The following WAPL variants were observed in gnomAD, a reference collection of about 807,000 sequenced individuals.
The protein encoded by WAPL is wings apart-like protein homolog.
Under a neutral mutation model 121.0 loss-of-function variants are expected in WAPL, and 5 were observed. The observed-to-expected ratio is 0.04, with a 90% CI of 0.02 to 0.09. WAPL has a LOEUF of 0.09. Ranked by LOEUF, WAPL falls within the 10% of genes least tolerant of loss-of-function variation. The pLI is 1.00. For missense variants in WAPL, 999 were observed against 1,410.8 expected, an observed-to-expected ratio of 0.71 and a Z score of 4.68; for synonymous variants, 480 against 481.5, an observed-to-expected ratio of 1.00 and a Z score of 0.04.
At chr10:86,471,345 G>A (rs529550374) in intron 7 of WAPL, among the ~76,000 whole-genome samples, 6 of 152,004 alleles carry the variant, frequency 3.9e-5, no homozygotes, top group Admixed American at 1.3e-4. Flanking sequence ...CATTCCTTAC[G>A]TTACTACTAC....
intron 1 of WAPL, among the ~76,000 whole-genome samples, chr10:86,519,955 G>A (rs1243920191): frequency 6.6e-6 from 1 of 152,196 alleles, no homozygotes; most frequent in Non-Finnish European, 1.5e-5. Flanking sequence ...GAAGTCTTCA[G>A]ATGAATACCT....
intron 4 of WAPL, among the ~76,000 whole-genome samples, chr10:86,483,418 T>A (rs1378959274): frequency 4.4e-4 from 65 of 146,840 alleles, no homozygotes; most frequent in Admixed American, 7.5e-4. Flanking sequence ...AAAAACTCCA[T>A]CTCAAAAAAA....
At chr10:86,467,084 T>G (rs892162926) in intron 9 of WAPL, 195 bp downstream of exon 9, 1 of 564,214 alleles carries the variant, frequency 1.8e-6, no homozygotes, top group Non-Finnish European at 3.1e-6. Context: ...GCAAAAAGCC[T>G]AAATACAGAT....
chr10:86,507,705 T>C (rs1245925830), intron 2 of WAPL, among the ~76,000 whole-genome samples: 1 of 150,690 alleles, frequency 6.6e-6, no homozygotes, highest in Non-Finnish European at 1.5e-5. Flanking sequence ...AACATTAAAA[T>C]CAGATAGCCC....
chr10:86,465,946 T>C (rs1841386793), intron 9 of WAPL, among the ~76,000 whole-genome samples: 1 of 152,100 alleles, frequency 6.6e-6, no homozygotes, highest in South Asian at 2.1e-4. Context: ...TCTTTTTTTC[T>C]TTTTTTTCAA....
chr10:86,475,947 G>A (rs554343748), intron 4 of WAPL, among the ~76,000 whole-genome samples: 4 of 152,354 alleles, frequency 2.6e-5, no homozygotes, highest in East Asian at 1.9e-4. Flanking sequence ...CCTCTAGGCC[G>A]AGGCAGGAAG....
chr10:86,500,998 G>C (rs778031368), intron 2 of WAPL, among the ~76,000 whole-genome samples: 6 of 152,158 alleles, frequency 3.9e-5, no homozygotes, highest in Non-Finnish European at 7.4e-5. Context: ...AGAAATTTCA[G>C]CAGGGTTAAG....
In WAPL at chr10:86,500,576, A is replaced by G; in HGVS notation, c.667T>C (p.Ser223Pro). 6.2e-7 allele frequency: 1 copy of G among 1,614,092 alleles called. No homozygotes were observed. Among genetic ancestry groups the G allele is most frequent in the Non-Finnish European group, 8.5e-7 (1 of 1,179,992 alleles). ...SQFGKRPESP[S>P]EISPIKGSVR... ...GATCCCTTGATTGGAGATATTTCTG[A>G]TGGTGATTCTGGCCTTTTCCCAAAC... The change falls in exon 3 of 19, where the codon TCA (serine) becomes CCA (proline). Residue 223 changes from serine (S) to proline (P), a missense_variant. Physicochemically the swap from Ser to Pro is moderately conservative, Grantham distance 74. Coordinates refer to ENST00000298767, the MANE Select transcript of WAPL (RefSeq NM_015045.5).
At chr10:86,454,674 G>A (rs1841088741) in intron 12 of WAPL, among the ~76,000 whole-genome samples, 1 of 152,174 alleles carries the variant, frequency 6.6e-6, no homozygotes, top group Admixed American at 6.5e-5. Flanking sequence ...GAAGTGAGGA[G>A]CGTCTCTGCC....
intron 4 of WAPL, 33 bp from the exon 5 acceptor site, chr10:86,474,006 A>C: frequency 6.5e-7 from 1 of 1,544,936 alleles, no homozygotes; most frequent in Non-Finnish European, 8.9e-7. Context: ...AACTGCTTCC[A>C]TCCTTATAAA....
At chr10:86,502,842 T>A (rs1414081082) in intron 2 of WAPL, among the ~76,000 whole-genome samples, 2 of 152,226 alleles carry the variant, frequency 1.3e-5, no homozygotes, top group African/African-American at 4.8e-5. Flanking sequence ...TATATTACAC[T>A]ACGTCTAGTG....
At position 86,436,851 on chromosome 10, in the gene WAPL, T is replaced by C. The variant is rs1245688374; in HGVS notation, c.*692A>G. On this transcript the variant is annotated 3_prime_UTR_variant, in exon 19 of 19. Transcript: ENST00000298767. ...TTGTGCCTATAGCTATGACACATTA[T>C]GGTATGATATTGAATATGGTTGTGG... 6.6e-6 allele frequency: 1 copy of C among 152,648 alleles called. No individual in the cohort carries two copies. The highest frequency in any genetic ancestry group is 1.5e-5 in the Non-Finnish European group (1 of 68,038). The allele number at this position is 152,648 out of a possible 1,614,324, so 9.5% of individuals were successfully genotyped here.
intron 7 of WAPL, among the ~76,000 whole-genome samples, chr10:86,471,346 TTAC>T: frequency 6.6e-6 from 1 of 152,318 alleles, no homozygotes; most frequent in South Asian, 2.1e-4. Flanking sequence ...ATTCCTTACG[TTAC>T]TACTACCACC....
intron 4 of WAPL, among the ~76,000 whole-genome samples, chr10:86,480,753 T>C (rs1302844536): frequency 1.3e-5 from 2 of 152,252 alleles, no homozygotes; most frequent in African/African-American, 4.8e-5. Flanking sequence ...TGCATGGGCA[T>C]GTGACTAAGC....
In WAPL at chr10:86,494,364, C is replaced by T. The variant is rs72846955; in HGVS notation, c.1644+2837G>A. 3.4e-3 allele frequency among the ~76,000 whole-genome samples: 522 copies of T among 152,240 alleles called. 5 individuals carry two copies. Among genetic ancestry groups the T allele is most frequent in the Admixed American group, 2.7e-3 (42 of 15,292 alleles). ...AACTAGCTACTTTTTTCTCAAACATCATCTTTACTGGAAAGATCGACAAAC... is the reference window on the plus strand; with the variant it reads ...AACTAGCTACTTTTTTCTCAAACATTATCTTTACTGGAAAGATCGACAAAC... On this transcript the variant is annotated intron_variant, in intron 4 of 18. Coordinates refer to ENST00000298767, the MANE Select transcript of WAPL (RefSeq NM_015045.5).
intron 15 of WAPL, among the ~76,000 whole-genome samples, chr10:86,451,288 T>C (rs1310256799): frequency 1.3e-5 from 2 of 152,018 alleles, no homozygotes; most frequent in African/African-American, 4.8e-5. Context: ...TTGGTAACAA[T>C]GCTTAAGGAG....
intron 17 of WAPL, 62 bp downstream of exon 17, chr10:86,443,213 A>G (rs1849516944): frequency 7.7e-7 from 1 of 1,294,748 alleles, no homozygotes; most frequent in African/African-American, 1.5e-5. Context: ...ATGTAAAGGT[A>G]TGAAGTCGTT....
intron 1 of WAPL, among the ~76,000 whole-genome samples, chr10:86,518,305 T>C (rs1842599998): frequency 6.6e-6 from 1 of 152,218 alleles, no homozygotes; most frequent in African/African-American, 2.4e-5. Context: ...GAGTACATAT[T>C]CCTACGCTAC....
chr10:86,457,650 T>A (rs1460178094), intron 12 of WAPL, among the ~76,000 whole-genome samples: 1 of 150,372 alleles, frequency 6.7e-6, no homozygotes, highest in East Asian at 1.9e-4. Flanking sequence ...AAAAATAAAA[T>A]AAAATAAAGA....
Sources: allele counts gnomAD v4.1 joint callset (sites outside exome capture counted in the v4.1 genomes callset), GRCh38; gene constraint gnomAD v4.1.1; transcripts MANE v1.5; gene names NCBI Gene and HGNC (gene_info 2026-07-23, HGNC 2026-07-21).